PGM1: variants seen among roughly 807,000 people sequenced by gnomAD.
PGM1 encodes the protein phosphoglucomutase-1.
A neutral mutation model predicts 55.6 loss-of-function variants in PGM1; 52 were observed. That is an observed-to-expected ratio of 0.94 (90% CI 0.75 to 1.18). The LOEUF (loss-of-function observed/expected upper bound fraction) is 1.18. Among genes scored for constraint, PGM1 ranks in the 50% most tolerant of loss-of-function variants. PGM1 has a pLI of 0.00. For synonymous variants in PGM1, 287 were observed against 271.7 expected, an observed-to-expected ratio of 1.06 and a Z score of -0.55; for missense variants, 724 against 729.3, an observed-to-expected ratio of 0.99 and a Z score of 0.08.
Position 63,629,535 on chromosome 1 carries a change from C to A in PGM1, c.357C>A (p.Asn119Lys). 1 of 1,613,794 alleles carries A rather than the reference C, an allele frequency of 6.2e-7. No homozygotes were observed. The highest frequency in any genetic ancestry group is 2.2e-5 in the East Asian group (1 of 44,872). The change falls in exon 2 of 11, where the codon AAC becomes AAA. Residue 119 changes from asparagine (N) to lysine (K), a missense_variant. Around this residue, in one of 3 missense-constraint regions of PGM1, gnomAD observed 379 missense variants for 357.5 expected, o/e 1.06. Coordinates refer to ENST00000371084, the MANE Select transcript of PGM1 (RefSeq NM_002633.3). ...IGGIILTASH[N>K]PGGPNGDFGI... Reference sequence around the variant, plus strand: ...GGATCATTCTGACAGCCAGTCACAACCCAGGGGGCCCCAATGGAGATTTTG... The same window carrying A: ...GGATCATTCTGACAGCCAGTCACAAACCAGGGGGCCCCAATGGAGATTTTG...
chr1:63,605,223 C>T (rs950849790), intron 1 of PGM1, among the ~76,000 whole-genome samples: 2 of 152,116 alleles, frequency 1.3e-5, no homozygotes, highest in Non-Finnish European at 2.9e-5. Flanking sequence ...CTGCTTCCTG[C>T]TGATGAAAGT....
chr1:63,615,544 CTTCTTCTTTTTTT>C (rs1440676041), intron 1 of PGM1, among the ~76,000 whole-genome samples: 79 of 110,672 alleles, frequency 7.1e-4, no homozygotes, highest in African/African-American at 3.2e-3. Context: ...TCCTCTTCTT[CTTCTTCTTTTTTT>C]TTTTTTTTTT....
At chr1:63,658,330 T>G (rs1388034400) in intron 10 of PGM1, among the ~76,000 whole-genome samples, 1 of 148,496 alleles carries the variant, frequency 6.7e-6, no homozygotes, top group East Asian at 2.0e-4. Context: ...AATGGGCAGT[T>G]CAACCAGATT....
intron 1 of PGM1, among the ~76,000 whole-genome samples, chr1:63,604,014 T>G (rs896306369): frequency 2.0e-5 from 3 of 152,216 alleles, no homozygotes; most frequent in Non-Finnish European, 2.9e-5. Flanking sequence ...ATCATCTCAA[T>G]CATGATTCAT....
intron 1 of PGM1, among the ~76,000 whole-genome samples, chr1:63,601,783 A>G (rs1472390200): frequency 6.6e-6 from 1 of 152,126 alleles, no homozygotes; most frequent in Admixed American, 6.5e-5. Flanking sequence ...TGTTTTGTTT[A>G]GTTTTTTAAA....
At chr1:63,628,675 C>T (rs1412725445) in intron 1 of PGM1, among the ~76,000 whole-genome samples, 1 of 152,054 alleles carries the variant, frequency 6.6e-6, no homozygotes, top group African/African-American at 2.4e-5. Context: ...GTCATTTTAG[C>T]AAAAAAGATT....
rs72681118 is a variant in PGM1, at chr1:63,630,191, G to A, written c.556+103G>A. On this transcript the variant is annotated intron_variant, in intron 3 of 10. Coordinates refer to ENST00000371084, the MANE Select transcript of PGM1 (RefSeq NM_002633.3). Reference sequence around the variant, plus strand: ...GGTCTTCAGCTTTGGAAAGATTTCCGTGAGTGCTCTGTAAGCTTTGCAAGT... The same window carrying A: ...GGTCTTCAGCTTTGGAAAGATTTCCATGAGTGCTCTGTAAGCTTTGCAAGT... 95,604 of 1,148,602 alleles carry A rather than the reference G, an allele frequency of 0.083. 5,218 individuals carry two copies. The highest frequency in any genetic ancestry group is 0.2 in the South Asian group (16,463 of 81,232). 71.2% of individuals were successfully genotyped at this position (1,148,602 alleles called of 1,614,324 possible).
At chr1:63,655,480 G>A (rs1357417942) in intron 10 of PGM1, among the ~76,000 whole-genome samples, 1 of 152,166 alleles carries the variant, frequency 6.6e-6, no homozygotes, top group Non-Finnish European at 1.5e-5. Context: ...GGGTTCCTCA[G>A]CCATTCCCCC....
At position 63,648,573 on chromosome 1, in the gene PGM1, A is replaced by G. The variant is rs760318393; in HGVS notation, c.1201A>G (p.Ile401Val). Residue 401 changes from isoleucine to valine, a missense_variant, in exon 8 of 11, where the codon ATC becomes GTC. Ile to Val is a conservative substitution (Grantham distance 29, BLOSUM62 3). Around this residue, in one of 3 missense-constraint regions of PGM1, gnomAD observed 316 missense variants for 313.1 expected, o/e 1.01. Coordinates refer to ENST00000371084, the MANE Select transcript of PGM1 (RefSeq NM_002633.3). ...GLWAVLAWLS[I>V]LATRKQSVED... ...GTGGGCTGTCCTTGCCTGGCTCTCC[A>G]TCCTAGCCACCCGCAAGCAGAGTGT... is the stretch of plus-strand genomic sequence containing the variant. The G allele has an allele frequency of 6.2e-7, 1 of 1,614,118 alleles. No individual in the cohort carries two copies. Among genetic ancestry groups the G allele is most frequent in the Non-Finnish European group, 8.5e-7 (1 of 1,179,978 alleles).
At chr1:63,597,704 C>T (rs1209264217) in intron 1 of PGM1, among the ~76,000 whole-genome samples, 1 of 152,188 alleles carries the variant, frequency 6.6e-6, no homozygotes, top group African/African-American at 2.4e-5. Context: ...GAAACTATTC[C>T]TGGTCTCTAA....
At chr1:63,635,842 G>T (rs1331161003) in intron 5 of PGM1, among the ~76,000 whole-genome samples, 1 of 152,192 alleles carries the variant, frequency 6.6e-6, no homozygotes, top group Non-Finnish European at 1.5e-5. Context: ...TTACCCAGTA[G>T]ACCTACCAAA....
rs772318981 is a variant in PGM1 at position 63,629,896 on chromosome 1, A to G, written c.410-46A>G. 74 of 1,609,596 alleles carry G rather than the reference A, an allele frequency of 4.6e-5. No individual in the cohort carries two copies. The South Asian group carries it at 7.4e-4, about 16-fold the overall frequency. ...TGAGCTTTGGATTCTTTGTATTTCC[A>G]TGTGAGCTGCACGAAGTAACCCACT... On this transcript the variant is annotated intron_variant, in intron 2 of 10. Transcript: ENST00000371084.
At chr1:63,596,553 G>A (rs1648077695) in intron 1 of PGM1, among the ~76,000 whole-genome samples, 2 of 151,954 alleles carry the variant, frequency 1.3e-5, no homozygotes, top group Non-Finnish European at 2.9e-5. Flanking sequence ...CACTGCGCCT[G>A]GCCTATTCCC....
At chr1:63,647,290 AT>A (rs1649680632) in intron 7 of PGM1, among the ~76,000 whole-genome samples, 1 of 71,788 alleles carries the variant, frequency 1.4e-5, no homozygotes, top group Admixed American at 1.1e-4. Flanking sequence ...ATATATATAT[AT>A]ATATATATAT....
intron 4 of PGM1, among the ~76,000 whole-genome samples, chr1:63,633,906 GTGTGTGTGTGTGTATATA>G (rs1364186234): frequency 0.035 from 1,220 of 35,296 alleles, 68 homozygotes; most frequent in African/African-American, 0.18. Context: ...GTGTGTGTGT[GTGTGTGTGTGTGTATATA>G]TATATATATT....
intron 4 of PGM1, among the ~76,000 whole-genome samples, chr1:63,633,932 ATTTTTT>A (rs60609353): frequency 2.5e-4 from 9 of 35,356 alleles, no homozygotes; most frequent in Admixed American, 4.1e-4. Flanking sequence ...ATATATATAT[ATTTTTT>A]TTTTTTTTTT....
At chr1:63,604,753 C>A (rs1204169763) in intron 1 of PGM1, among the ~76,000 whole-genome samples, 1 of 152,074 alleles carries the variant, frequency 6.6e-6, no homozygotes, top group African/African-American at 2.4e-5. Context: ...AGTGGAGGCA[C>A]CCCAGATTCC....
chr1:63,600,551 C>T (rs1334768686), intron 1 of PGM1, among the ~76,000 whole-genome samples: 5 of 152,050 alleles, frequency 3.3e-5, no homozygotes, highest in South Asian at 4.2e-4. Flanking sequence ...AGATGATAAA[C>T]GTGTCAAATG....
rs560575941 is a variant in PGM1, at chr1:63,633,054, C to T, written c.682+1272C>T. Reference sequence around the variant, plus strand: ...ACAAAAAATCCCTAAAAAACTAACTCCTGCCAGGCCAACAAAATGAGAGTT... The same window carrying T: ...ACAAAAAATCCCTAAAAAACTAACTTCTGCCAGGCCAACAAAATGAGAGTT... On this transcript the variant is annotated intron_variant, in intron 4 of 10. Transcript: ENST00000371084. Among the ~76,000 whole-genome samples the T allele has an allele frequency of 1.6e-4, 25 of 152,102 alleles. 1 individual carries two copies. Among genetic ancestry groups the T allele is most frequent in the Middle Eastern group, 3.4e-3 (1 of 294 alleles).
Sources: allele counts gnomAD v4.1 joint callset (sites outside exome capture counted in the v4.1 genomes callset), GRCh38; gene constraint gnomAD v4.1.1; regional missense constraint gnomAD v4.1.1; transcripts MANE v1.5; gene names NCBI Gene and HGNC (gene_info 2026-07-23, HGNC 2026-07-21).